Variants in ADA2 observed in about 807,000 individuals in gnomAD.
The protein encoded by ADA2 is adenosine deaminase 2, also known as adenosine deaminase CECR1.
In ADA2, 29 loss-of-function variants were observed where a neutral mutation model predicts 44.2. That is an observed-to-expected ratio of 0.66 (90% CI 0.49 to 0.89). The LOEUF (loss-of-function observed/expected upper bound fraction) is 0.89. Among genes scored for constraint, ADA2 ranks in the 40% least tolerant of loss-of-function variants. The probability of loss-of-function intolerance (pLI) is 0.00; values close to 1 mark genes in which losing one functional copy is unlikely to be tolerated. For missense variants in ADA2, 637 were observed against 644.8 expected (o/e 0.99, Z 0.13); for synonymous variants, 215 against 234.9 (o/e 0.92, Z 0.77).
At chr22:17,202,494 T>C (rs1254993031) in intron 4 of ADA2, among the ~76,000 whole-genome samples, 1 of 152,158 alleles carries the variant, frequency 6.6e-6, no homozygotes, top group Admixed American at 6.6e-5. Flanking sequence ...TTCAAACTCC[T>C]GGCCTCAAGT....
At chr22:17,209,326 C>G in intron 2 of ADA2, 30 bp downstream of exon 2, 1 of 1,583,504 alleles carries the variant, frequency 6.3e-7, no homozygotes, top group South Asian at 1.1e-5. Flanking sequence ...ACCTTCCCAG[C>G]ACCCCAAGCC....
At chr22:17,206,310 A>C (rs1439658623) in intron 3 of ADA2, among the ~76,000 whole-genome samples, 1 of 152,124 alleles carries the variant, frequency 6.6e-6, no homozygotes, top group African/African-American at 2.4e-5. Flanking sequence ...TACAAAAATT[A>C]GCCAGGCATG....
intron 1 of ADA2, among the ~76,000 whole-genome samples, chr22:17,218,993 C>T (rs9619017): frequency 7.5e-4 from 114 of 152,270 alleles, no homozygotes; most frequent in African/African-American, 2.4e-3. Flanking sequence ...CCCGTCTCTA[C>T]TAAAAATACA....
chr22:17,182,102 C>G (rs2061977773), intron 8 of ADA2, 80 bp from the exon 9 acceptor site: 1 of 1,073,042 alleles, frequency 9.3e-7, no homozygotes, highest in Non-Finnish European at 1.4e-6. Flanking sequence ...GACCTTGAGC[C>G]CCATCAGCTC....
intron 4 of ADA2, among the ~76,000 whole-genome samples, chr22:17,200,631 G>C (rs368837709): frequency 4.6e-5 from 7 of 152,096 alleles, no homozygotes; most frequent in African/African-American, 1.7e-4. Flanking sequence ...ATGGTGGCTC[G>C]TAATCTTTGG....
At chr22:17,194,205 A>G (rs1328565041) in intron 4 of ADA2, among the ~76,000 whole-genome samples, 1 of 151,856 alleles carries the variant, frequency 6.6e-6, no homozygotes, top group African/African-American at 2.4e-5. Context: ...CGAGGTTGAG[A>G]GCTGCAGTGG....
intron 1 of ADA2, among the ~76,000 whole-genome samples, chr22:17,216,391 T>C (rs2062471698): frequency 6.6e-6 from 1 of 151,276 alleles, no homozygotes; most frequent in Non-Finnish European, 1.5e-5. Flanking sequence ...AAAAAAAACC[T>C]ACAGTTAGAT....
At chr22:17,199,580 T>C (rs2123687393) in intron 4 of ADA2, 2 of 1,613,776 alleles carry the variant, frequency 1.2e-6, no homozygotes, top group Non-Finnish European at 1.7e-6. Flanking sequence ...GGAATCCATC[T>C]CCCCTCCGGA....
At chr22:17,200,371 G>A (rs992339334) in intron 4 of ADA2, among the ~76,000 whole-genome samples, 5 of 152,124 alleles carry the variant, frequency 3.3e-5, no homozygotes, top group Non-Finnish European at 5.9e-5. Flanking sequence ...TTTGTGTCCT[G>A]TGTCTTGTCT....
At chr22:17,205,842 A>T (rs1209435357) in intron 3 of ADA2, among the ~76,000 whole-genome samples, 1 of 151,498 alleles carries the variant, frequency 6.6e-6, no homozygotes, top group Non-Finnish European at 1.5e-5. Context: ...GCTGGGCATG[A>T]TGGTGCACAC....
chr22:17,192,593 C>T (rs1299723557), intron 4 of ADA2, among the ~76,000 whole-genome samples: 1 of 151,930 alleles, frequency 6.6e-6, no homozygotes, highest in Non-Finnish European at 1.5e-5. Context: ...TTTGGGAGGC[C>T]GAGGCAGGGG....
At chr22:17,185,246 A>G (rs1316381723) in intron 7 of ADA2, among the ~76,000 whole-genome samples, 1 of 150,828 alleles carries the variant, frequency 6.6e-6, no homozygotes, top group Non-Finnish European at 1.5e-5. Flanking sequence ...CCCCGTCTCT[A>G]CTAAAAATAC....
intron 2 of ADA2, among the ~76,000 whole-genome samples, chr22:17,208,929 A>T (rs2123714135): frequency 6.6e-6 from 1 of 151,972 alleles, no homozygotes; most frequent in Admixed American, 6.6e-5. Flanking sequence ...CCTGGGCTCA[A>T]GCGATACTCT....
At chr22:17,210,367 T>C (rs2062406175) in intron 1 of ADA2, among the ~76,000 whole-genome samples, 1 of 151,526 alleles carries the variant, frequency 6.6e-6, no homozygotes, top group African/African-American at 2.4e-5. Flanking sequence ...ATTTTGTATT[T>C]TTAGTAGAGA....
chr22:17,199,445 C>CACCCACCCCACCACAA, intron 4 of ADA2: 3 of 1,123,182 alleles, frequency 2.7e-6, no homozygotes, highest in Admixed American at 1.7e-5. Flanking sequence ...TCCTCTTCCC[C>CACCCACCCCACCACAA]TCCACCCACG....
At position 17,179,756 on chromosome 22, in the gene ADA2, A is replaced by G. The variant is rs3171599; in HGVS notation, c.*1727T>C. 46,226 of 152,152 alleles carry G rather than the reference A, an allele frequency of 0.3. 7,211 individuals carry two copies. Among genetic ancestry groups the G allele is most frequent in the African/African-American group, 0.34 (14,032 of 41,496 alleles). The allele number at this position is 152,152 out of a possible 1,614,324, so 9.4% of individuals were successfully genotyped here. ...GGATCCAGATTAAATCGGATGCTGT[A>G]TGCCCTGTGGAGACATGGGGTGTAC... On this transcript the variant is annotated 3_prime_UTR_variant, in exon 10 of 10. Transcript: ENST00000399837.
chr22:17,197,963 G>C (rs1390657561), intron 4 of ADA2, among the ~76,000 whole-genome samples: 1 of 151,934 alleles, frequency 6.6e-6, no homozygotes. Flanking sequence ...GCTTGAACCC[G>C]GGAGGCGGAG....
At chr22:17,215,920 C>T (rs546643420) in intron 1 of ADA2, among the ~76,000 whole-genome samples, 5 of 151,856 alleles carry the variant, frequency 3.3e-5, no homozygotes, top group South Asian at 4.2e-4. Context: ...GGCAACAAAG[C>T]GAGACCCCCA....
intron 4 of ADA2, among the ~76,000 whole-genome samples, chr22:17,195,385 C>A (rs1418449866): frequency 1.3e-5 from 2 of 151,948 alleles, no homozygotes; most frequent in Admixed American, 6.6e-5. Context: ...AACAATTAGC[C>A]GGGCGTGGTG....
Sources: gnomAD v4.1 joint callset for allele counts (sites outside exome capture counted in the v4.1 genomes callset) on GRCh38, gnomAD v4.1.1 for gene constraint, MANE v1.5 for transcripts, NCBI Gene and HGNC (gene_info 2026-07-23, HGNC 2026-07-21) for gene names.